The following PDSS2 variants were observed in gnomAD, a reference collection of about 807,000 sequenced individuals.
PDSS2 encodes the protein all trans-polyprenyl-diphosphate synthase PDSS2.
Under a neutral mutation model 44.5 loss-of-function variants are expected in PDSS2, and 31 were observed. The ratio of observed to expected loss-of-function variants is 0.70; its 90% CI spans 0.52 to 0.94. The LOEUF (loss-of-function observed/expected upper bound fraction) is 0.94. Ranked by LOEUF, PDSS2 falls within the 40% of genes least tolerant of loss-of-function variation. The pLI, the probability that PDSS2 is intolerant of heterozygous loss-of-function variation, is 0.00. For missense variants in PDSS2, 452 were observed against 482.2 expected (o/e 0.94, Z 0.59); for synonymous variants, 157 against 180.3 (o/e 0.87, Z 1.03).
At position 107,424,036 on chromosome 6, in the gene PDSS2, C is replaced by CATTTTTTTTTTTTTTTTTTTTTTTTTTTT. The variant is rs1554279679; in HGVS notation, c.296+34953_296+34954insAAAAAAAAAAAAAAAAAAAAAAAAAAAAT. 2.2e-5 allele frequency among the ~76,000 whole-genome samples: 2 copies of CATTTTTTTTTTTTTTTTTTTTTTTTTTTT among 90,586 alleles called. 1 individual carries two copies. The highest frequency in any genetic ancestry group is 9.1e-5 in the African/African-American group (2 of 21,954). 59.4% of individuals were successfully genotyped at this position (90,586 alleles called of 152,430 possible). ...AATTATGATTATTTTTATCTTGCAT[C>CATTTTTTTTTTTTTTTTTTTTTTTTTTTT]TTTTTTTTTTTTTTTTTTTTTTTGG... On this transcript the variant is annotated intron_variant, in intron 1 of 7. Coordinates refer to ENST00000369037, the MANE Select transcript of PDSS2 (RefSeq NM_020381.4).
chr6:107,389,391 T>A (rs896239511), intron 1 of PDSS2, among the ~76,000 whole-genome samples: 2 of 152,192 alleles, frequency 1.3e-5, no homozygotes, highest in African/African-American at 4.8e-5. Flanking sequence ...CTGTAAACAG[T>A]AAGGCTAGAG....
intron 1 of PDSS2, among the ~76,000 whole-genome samples, chr6:107,367,756 T>C (rs1779002715): frequency 7.3e-6 from 1 of 136,734 alleles, no homozygotes; most frequent in Admixed American, 8.2e-5. Flanking sequence ...TGAGCTGAGA[T>C]GGTGCCACTG....
chr6:107,422,545 G>T (rs558549502), intron 1 of PDSS2, among the ~76,000 whole-genome samples: 7 of 152,040 alleles, frequency 4.6e-5, no homozygotes, highest in African/African-American at 1.7e-4. Context: ...CTATAATAGT[G>T]AAGAATTCAG....
At chr6:107,352,558 A>C (rs1450515832) in intron 1 of PDSS2, among the ~76,000 whole-genome samples, 1 of 152,216 alleles carries the variant, frequency 6.6e-6, no homozygotes, top group African/African-American at 2.4e-5. Flanking sequence ...TATACCAGTA[A>C]CTGAACAAAG....
intron 6 of PDSS2, among the ~76,000 whole-genome samples, chr6:107,196,474 C>CA (rs955376283): frequency 6.6e-6 from 1 of 152,224 alleles, no homozygotes; most frequent in African/African-American, 2.4e-5. Flanking sequence ...GGACATCTGA[C>CA]ATTGAGGCTG....
intron 1 of PDSS2, among the ~76,000 whole-genome samples, chr6:107,344,231 T>C (rs1053486751): frequency 1.3e-5 from 2 of 152,140 alleles, no homozygotes; most frequent in African/African-American, 4.8e-5. Context: ...GACAGCAATA[T>C]TACTCAGTTA....
At chr6:107,167,243 T>C (rs1327423750) in intron 7 of PDSS2, among the ~76,000 whole-genome samples, 1 of 152,218 alleles carries the variant, frequency 6.6e-6, no homozygotes, top group Non-Finnish European at 1.5e-5. Flanking sequence ...GCATTTCTTC[T>C]AGATTTTCTA....
At chr6:107,367,299 C>G (rs1183267968) in intron 1 of PDSS2, among the ~76,000 whole-genome samples, 1 of 152,126 alleles carries the variant, frequency 6.6e-6, no homozygotes, top group Non-Finnish European at 1.5e-5. Context: ...AATACAACAC[C>G]TATTCACAAT....
chr6:107,402,441 C>T (rs1260903531), intron 1 of PDSS2, among the ~76,000 whole-genome samples: 7 of 2,156 alleles, frequency 3.2e-3, no homozygotes, highest in African/African-American at 0.014. Context: ...TATATATACA[C>T]ACACACACAC....
At chr6:107,277,732 C>T (rs1775832318) in intron 2 of PDSS2, among the ~76,000 whole-genome samples, 2 of 152,220 alleles carry the variant, frequency 1.3e-5, no homozygotes, top group South Asian at 4.1e-4. Flanking sequence ...GCGGGTGGAT[C>T]ACCTGAGGTA....
chr6:107,404,057 G>A (rs111573750), intron 1 of PDSS2, among the ~76,000 whole-genome samples: 3,540 of 152,116 alleles, frequency 0.023, 58 homozygotes, highest in Non-Finnish European at 0.036. Flanking sequence ...TGAATGCTTT[G>A]CTGCTTAGAA....
At chr6:107,156,235 T>A (rs1171599858) in intron 7 of PDSS2, among the ~76,000 whole-genome samples, 2 of 145,432 alleles carry the variant, frequency 1.4e-5, no homozygotes, top group Admixed American at 1.4e-4. Flanking sequence ...AGTCTCGCTC[T>A]GTCACCCAGG....
intron 2 of PDSS2, among the ~76,000 whole-genome samples, chr6:107,316,583 T>C (rs1274095613): frequency 6.6e-6 from 1 of 152,190 alleles, no homozygotes; most frequent in African/African-American, 2.4e-5. Context: ...GACAGCATGA[T>C]AGTAATACTC....
At chr6:107,222,878 T>C (rs1247713688) in intron 4 of PDSS2, among the ~76,000 whole-genome samples, 10 of 151,866 alleles carry the variant, frequency 6.6e-5, no homozygotes, top group Non-Finnish European at 1.2e-4. Context: ...GGCCAACATG[T>C]GAGGACAGCT....
intron 4 of PDSS2, among the ~76,000 whole-genome samples, chr6:107,218,158 A>G (rs918007325): frequency 6.6e-5 from 10 of 152,158 alleles, no homozygotes; most frequent in African/African-American, 2.2e-4. Flanking sequence ...CTGAATTGCA[A>G]TTCTTTCCTC....
chr6:107,194,036 C>T (rs181051976), intron 6 of PDSS2, among the ~76,000 whole-genome samples, 182 bp from the exon 7 acceptor site: 370 of 152,192 alleles, frequency 2.4e-3, no homozygotes, highest in Admixed American at 5.4e-3. Context: ...AAAAGTTAAA[C>T]GAACAGATCA....
Position 107,212,277 on chromosome 6 carries a change from A to G in PDSS2, c.708T>C (p.Ser236=), listed in dbSNP as rs1197676584. ...ATATTCCAATATCATCTGTGATATA[A>G]CTTTCCTAAAAATGTAACAAAAGCC... The part of the protein sequence containing the change: ...VYHENSTSKE[S]YITDDIGIST... Residue 236 remains serine (S), a synonymous_variant, in exon 5 of 8, where the codon AGT becomes AGC. Transcript: ENST00000369037. The G allele has an allele frequency of 6.2e-7, 1 of 1,609,792 alleles. No individual in the cohort carries two copies. The highest frequency in any genetic ancestry group is 1.3e-5 in the African/African-American group (1 of 74,934).
At chr6:107,198,764 T>G (rs1289904653) in intron 6 of PDSS2, among the ~76,000 whole-genome samples, 1 of 151,690 alleles carries the variant, frequency 6.6e-6, no homozygotes, top group Non-Finnish European at 1.5e-5. Flanking sequence ...GAGATCAGCT[T>G]GGGCAACATG....
chr6:107,346,290 G>A (rs1188168616), intron 1 of PDSS2, among the ~76,000 whole-genome samples: 5 of 152,128 alleles, frequency 3.3e-5, no homozygotes, highest in Non-Finnish European at 7.4e-5. Flanking sequence ...GAAGCTGCAG[G>A]GGCAACTGTT....
Sources: allele counts gnomAD v4.1 joint callset (sites outside exome capture counted in the v4.1 genomes callset), GRCh38; gene constraint gnomAD v4.1.1; transcripts MANE v1.5; gene names NCBI Gene and HGNC (gene_info 2026-07-23, HGNC 2026-07-21).